TDRD5: variants seen among roughly 807,000 people sequenced by gnomAD.
TDRD5 encodes tudor domain-containing protein 5.
TDRD5 carries 41 observed loss-of-function variants against 120.6 expected under a neutral mutation model. The ratio of observed to expected loss-of-function variants is 0.34; its 90% CI spans 0.26 to 0.44. The LOEUF is 0.44. TDRD5 is among the 20% of genes least tolerant of loss of function. TDRD5 has a pLI of 1.00. For missense variants in TDRD5, 1,006 were observed against 1,221.2 expected (o/e 0.82, Z 2.63); for synonymous variants, 430 against 433.7 (o/e 0.99, Z 0.11).
At chr1:179,631,018 A>G (rs1421226636) in intron 7 of TDRD5, 98 bp downstream of exon 7, 2 of 1,148,390 alleles carry the variant, frequency 1.7e-6, no homozygotes, top group Non-Finnish European at 2.5e-6. Context: ...AATGTTTTAT[A>G]AAATGACCTC....
At chr1:179,680,070 A>T (rs73037637) in intron 17 of TDRD5, among the ~76,000 whole-genome samples, 1 of 151,890 alleles carries the variant, frequency 6.6e-6, no homozygotes, top group Non-Finnish European at 1.5e-5. Flanking sequence ...TTCTTGACCT[A>T]TTGGTTATCT....
At chr1:179,626,751 TAAG>T (rs1435103745) in intron 6 of TDRD5, among the ~76,000 whole-genome samples, 5 of 150,750 alleles carry the variant, frequency 3.3e-5, no homozygotes, top group African/African-American at 9.8e-5. Flanking sequence ...AAATTTTACA[TAAG>T]AAAATCTTAG....
chr1:179,678,697 T>C (rs771601000), intron 17 of TDRD5, among the ~76,000 whole-genome samples: 4 of 152,242 alleles, frequency 2.6e-5, no homozygotes, highest in Non-Finnish European at 5.9e-5. Context: ...GCATTTTAAA[T>C]TCAATTTTTT....
rs765226017 is a variant in TDRD5 at position 179,634,538 on chromosome 1, A to T, written c.1208A>T (p.Glu403Val). 1 of 1,613,996 alleles carries T rather than the reference A, an allele frequency of 6.2e-7. No individual in the cohort carries two copies. Among genetic ancestry groups the T allele is most frequent in the Non-Finnish European group, 8.5e-7 (1 of 1,179,994 alleles). ...RNSLSTAAVKETVWNCPSKKQ... is the reference protein window; with the variant it reads ...RNSLSTAAVKVTVWNCPSKKQ... ...TCATTGTCTACTGCTGCTGTCAAAGAGACTGTATGGAATTGCCCTTCAAAA... is the reference window on the plus strand; with the variant it reads ...TCATTGTCTACTGCTGCTGTCAAAGTGACTGTATGGAATTGCCCTTCAAAA... The change falls in exon 8 of 18, where the codon GAG becomes GTG. Residue 403 changes from glutamate (E) to valine (V), a missense_variant. Physicochemically the swap from Glu to Val is moderately radical, Grantham distance 121. Transcript: ENST00000444136.
chr1:179,651,214 ACTC>A (rs2102062801), intron 12 of TDRD5, 147 bp downstream of exon 12: 1 of 836,926 alleles, frequency 1.2e-6, no homozygotes, highest in East Asian at 2.7e-5. Context: ...AATGCAGAGC[ACTC>A]TTAATTTTCA....
chr1:179,635,958 T>G (rs1462700202), intron 9 of TDRD5, 71 bp downstream of exon 9: 1 of 1,403,748 alleles, frequency 7.1e-7, no homozygotes, highest in Non-Finnish European at 9.5e-7. Context: ...CATTTCGGTT[T>G]CAGGACTCTT....
chr1:179,690,892 A>G lies in TDRD5; in HGVS notation c.3057A>G (p.Thr1019=), dbSNP rs140431084. Residue 1019 remains threonine, a synonymous_variant, in exon 18 of 18, where the codon ACA becomes ACG. Coordinates refer to ENST00000444136, the MANE Select transcript of TDRD5 (RefSeq NM_001199085.3). ...TAGGTGCTGCCGCACGGTTAGCTAC[A>G]TCCAGGAGCCTCCTACACTGGTACC... is the stretch of plus-strand genomic sequence containing the variant. ...AALGAAARLA[T]SRSLLHWYPS... 8 of 1,614,080 alleles carry G rather than the reference A, an allele frequency of 5.0e-6. No individual in the cohort carries two copies. In the South Asian group the frequency reaches 8.8e-5, roughly 18 times the overall value.
At chr1:179,661,779 G>T (rs753767164) in intron 14 of TDRD5, among the ~76,000 whole-genome samples, 3 of 152,106 alleles carry the variant, frequency 2.0e-5, no homozygotes, top group East Asian at 1.9e-4. Context: ...GGTATATATT[G>T]TATAGATTTG....
intron 10 of TDRD5, 86 bp downstream of exon 10, chr1:179,640,137 T>C (rs1372361696): frequency 7.0e-7 from 1 of 1,419,870 alleles, no homozygotes. Context: ...CTCTCTTTTC[T>C]CTTGCCTTCC....
chr1:179,685,572 T>A (rs1251070290), intron 17 of TDRD5, among the ~76,000 whole-genome samples: 3 of 152,220 alleles, frequency 2.0e-5, no homozygotes, highest in African/African-American at 7.2e-5. Flanking sequence ...TTTCCAATTC[T>A]GTGAAGAAGG....
Position 179,618,608 on chromosome 1 carries a change from A to G in TDRD5, c.841A>G (p.Thr281Ala), listed in dbSNP as rs1159970204. 1.3e-6 allele frequency: 2 copies of G among 1,587,864 alleles called. No homozygotes were observed. The highest frequency in any genetic ancestry group is 1.7e-6 in the Non-Finnish European group (2 of 1,169,874). Residue 281 changes from threonine to alanine, a missense_variant, in exon 5 of 18, where the codon ACA becomes GCA. Physicochemically the swap from Thr to Ala is moderately conservative, Grantham distance 58. This residue lies in a region of TDRD5 where 445 missense variants were observed against 515.5 expected (regional missense o/e 0.86). Transcript: ENST00000444136. ...TTTTCTTTTTTCATAGCTGGAGAAC[A>G]CATTCAAATCAGTTATTGCACAGAT... ...HTEKLNQLEN[T>A]FKSVIAQIGP...
In TDRD5 at chr1:179,634,596, G is replaced by C. The variant is rs1389973914; in HGVS notation, c.1266G>C (p.Lys422Asn). Residue 422 changes from lysine (K) to asparagine (N), a missense_variant, in exon 8 of 18, where the codon AAG becomes AAC. Transcript: ENST00000444136. ...AAGAGCCACAACAGAAGATTTGCAAGAAGCCTAATCTGGTGGTAAAGCCTT... is the reference window on the plus strand; with the variant it reads ...AAGAGCCACAACAGAAGATTTGCAACAAGCCTAATCTGGTGGTAAAGCCTT... ...KQKEPQQKIC[K>N]KPNLVVKPLQ... 6.2e-7 allele frequency: 1 copy of C among 1,613,824 alleles called. No individual in the cohort carries two copies. Among genetic ancestry groups the C allele is most frequent in the Admixed American group, 1.7e-5 (1 of 59,934 alleles).
At chr1:179,609,127 G>A (rs1478532111) in intron 4 of TDRD5, among the ~76,000 whole-genome samples, 4 of 152,046 alleles carry the variant, frequency 2.6e-5, no homozygotes, top group African/African-American at 9.7e-5. Context: ...GGCCATATAA[G>A]TACACAGCAA....
At chr1:179,633,970 G>C (rs575538335) in intron 7 of TDRD5, among the ~76,000 whole-genome samples, 1 of 151,996 alleles carries the variant, frequency 6.6e-6, no homozygotes, top group Non-Finnish European at 1.5e-5. Context: ...AGGAGATAGA[G>C]ACCATCCTGG....
chr1:179,613,192 ATT>A, intron 4 of TDRD5, among the ~76,000 whole-genome samples: 1 of 152,318 alleles, frequency 6.6e-6, no homozygotes, highest in East Asian at 1.9e-4. Flanking sequence ...GAGGTGAAAC[ATT>A]TTATTTCACC....
At chr1:179,644,035 G>T (rs1458012932) in intron 11 of TDRD5, among the ~76,000 whole-genome samples, 2 of 152,158 alleles carry the variant, frequency 1.3e-5, no homozygotes, top group Admixed American at 1.3e-4. Flanking sequence ...AAGAGAAAAA[G>T]AAGTCAAGCT....
rs192442523 is a variant in TDRD5, at chr1:179,592,234, G to T, written c.-15+109G>T. On this transcript the variant is annotated intron_variant, in intron 1 of 17. Transcript: ENST00000444136. ...CGGCGGGAGCGCCTTTTTTCGTGGG[G>T]CCCTCGCCCTGCAGGGCGGAGGCGG... 4.6e-3 allele frequency: 846 copies of T among 185,832 alleles called. 10 individuals carry two copies. Among genetic ancestry groups the T allele is most frequent in the African/African-American group, 0.019 (809 of 42,022 alleles). The allele number at this position is 185,832 out of a possible 1,614,324, so 11.5% of individuals were successfully genotyped here. A position where few individuals can be genotyped will look rare whatever the true frequency, so the allele number is the denominator to read the frequency against.
At chr1:179,610,203 T>A (rs1276127114) in intron 4 of TDRD5, among the ~76,000 whole-genome samples, 2 of 152,184 alleles carry the variant, frequency 1.3e-5, no homozygotes, top group African/African-American at 4.8e-5. Flanking sequence ...TACAGAAAAC[T>A]CAGCCTAAAA....
intron 4 of TDRD5, among the ~76,000 whole-genome samples, chr1:179,612,513 A>G (rs1451051762): frequency 6.6e-6 from 1 of 152,212 alleles, no homozygotes; most frequent in Non-Finnish European, 1.5e-5. Flanking sequence ...AATTTTCTGC[A>G]TTGTGTGTAG....
Sources: gnomAD v4.1 joint callset for allele counts (sites outside exome capture counted in the v4.1 genomes callset) on GRCh38, gnomAD v4.1.1 for gene constraint, gnomAD v4.1.1 regional missense constraint, MANE v1.5 for transcripts, NCBI Gene and HGNC (gene_info 2026-07-23, HGNC 2026-07-21) for gene names.